MIS18A: variants seen among roughly 807,000 people sequenced by gnomAD.
MIS18A encodes protein Mis18-alpha.
In MIS18A, 14 loss-of-function variants were observed where a neutral mutation model predicts 25.0. That is an observed-to-expected ratio of 0.56 (90% CI 0.37 to 0.88). MIS18A has a LOEUF of 0.88. MIS18A is among the 40% of genes least tolerant of loss of function. MIS18A has a pLI of 0.00. For synonymous variants in MIS18A, 134 were observed against 118.6 expected, an observed-to-expected ratio of 1.13 and a Z score of -0.84; for missense variants, 292 against 290.8, an observed-to-expected ratio of 1.00 and a Z score of -0.03.
intron 1 of MIS18A, among the ~76,000 whole-genome samples, chr21:32,275,879 C>G (rs1165424054): frequency 6.6e-6 from 1 of 152,118 alleles, no homozygotes; most frequent in African/African-American, 2.4e-5. Context: ...CTTGCCTGGA[C>G]TACTGCCCTG....
the MIS18A span, among the ~76,000 whole-genome samples, chr21:32,245,315 C>T: frequency 1.4e-3 from 206 of 152,260 alleles, 1 homozygote; most frequent in Middle Eastern, 6.8e-3. Flanking sequence ...TGTTCCCTTC[C>T]GCCTACACAG....
At chr21:32,243,488 A>G in the MIS18A span, among the ~76,000 whole-genome samples, 1 of 152,254 alleles carries the variant, frequency 6.6e-6, no homozygotes, top group Non-Finnish European at 1.5e-5. Context: ...GATGTTTATC[A>G]TAGTCATTAG....
At chr21:32,186,432 G>A in the MIS18A span, among the ~76,000 whole-genome samples, 1 of 152,238 alleles carries the variant, frequency 6.6e-6, no homozygotes, top group African/African-American at 2.4e-5. Flanking sequence ...TAGCATGGAT[G>A]CTGTGTCCAA....
chr21:32,205,740 G>A, the MIS18A span, among the ~76,000 whole-genome samples: 195 of 152,260 alleles, frequency 1.3e-3, no homozygotes, highest in African/African-American at 4.4e-3. Context: ...ATTCTGGGCC[G>A]GTTGGCTGCC....
chr21:32,155,979 G>A, the MIS18A span, among the ~76,000 whole-genome samples: 1 of 151,898 alleles, frequency 6.6e-6, no homozygotes, highest in South Asian at 2.1e-4. Flanking sequence ...TTGAACTTAT[G>A]CAGACAACTA....
At chr21:32,227,855 C>G in the MIS18A span, among the ~76,000 whole-genome samples, 1 of 152,046 alleles carries the variant, frequency 6.6e-6, no homozygotes. Flanking sequence ...ACACTGTGAC[C>G]AAATGAGATT....
chr21:32,242,559 T>G, the MIS18A span, among the ~76,000 whole-genome samples: 1 of 152,180 alleles, frequency 6.6e-6, no homozygotes, highest in Non-Finnish European at 1.5e-5. Flanking sequence ...GCTCCCTGTT[T>G]GTAAAATGGT....
the MIS18A span, among the ~76,000 whole-genome samples, chr21:32,228,838 A>G: frequency 6.6e-6 from 1 of 152,214 alleles, no homozygotes; most frequent in Non-Finnish European, 1.5e-5. Flanking sequence ...ATTATAAAAT[A>G]TTGTTGAAAG....
At chr21:32,266,663 A>G (rs1024269804), downstream of MIS18A, among the ~76,000 whole-genome samples, 1 of 151,924 alleles carries the variant, frequency 6.6e-6, no homozygotes, top group Non-Finnish European at 1.5e-5. Context: ...AAGACCACGA[A>G]CCCACCAGAA....
chr21:32,236,067 T>A, the MIS18A span, among the ~76,000 whole-genome samples: 1 of 116,400 alleles, frequency 8.6e-6, no homozygotes, highest in Non-Finnish European at 1.7e-5. Flanking sequence ...GCCAACTGTG[T>A]TTTATTTAAA....
At chr21:32,278,431 A>C (rs1331323167) in intron 1 of MIS18A, 2 of 517,626 alleles carry the variant, frequency 3.9e-6, no homozygotes, top group Non-Finnish European at 6.7e-6. Context: ...AGTAATGCTC[A>C]CGATGATGCT....
At chr21:32,206,820 C>T in the MIS18A span, among the ~76,000 whole-genome samples, 2 of 152,128 alleles carry the variant, frequency 1.3e-5, no homozygotes, top group Non-Finnish European at 2.9e-5. Flanking sequence ...AATGCCCAGC[C>T]ACACTGCGGG....
At chr21:32,265,325 G>A (rs548993804), downstream of MIS18A, among the ~76,000 whole-genome samples, 4 of 152,354 alleles carry the variant, frequency 2.6e-5, no homozygotes, top group Non-Finnish European at 2.9e-5. Context: ...GCAGGGAGGT[G>A]TGGAGGGAGA....
In MIS18A at chr21:32,268,938, T is replaced by TC; in HGVS notation, c.*98_*99insG. The stretch of plus-strand genomic sequence containing the variant: ...TTCGCATGCCTGGCTAATTTTTTTT[T>TC]TCTTTTTTTTTTTGTAGAGACGACG... On this transcript the variant is annotated 3_prime_UTR_variant, in exon 5 of 5. Transcript: ENST00000290130. 2 of 951,476 alleles carry TC rather than the reference T, an allele frequency of 2.1e-6. No homozygotes were observed. The highest frequency in any genetic ancestry group is 1.7e-5 in the African/African-American group (1 of 58,874). The allele number at this position is 951,476 out of a possible 1,614,324, so 58.9% of individuals were successfully genotyped here.
chr21:32,249,796 G>T, the MIS18A span, among the ~76,000 whole-genome samples: 1 of 152,102 alleles, frequency 6.6e-6, no homozygotes, highest in South Asian at 2.1e-4. Context: ...CATGGGGAGG[G>T]CACCGAGTCA....
chr21:32,173,924 C>T, the MIS18A span, among the ~76,000 whole-genome samples: 1 of 145,016 alleles, frequency 6.9e-6, no homozygotes, highest in South Asian at 2.2e-4. Flanking sequence ...ACTGTATGTG[C>T]ATTATATGTC....
chr21:32,207,073 C>T, the MIS18A span, among the ~76,000 whole-genome samples: 1 of 152,170 alleles, frequency 6.6e-6, no homozygotes, highest in Non-Finnish European at 1.5e-5. Flanking sequence ...GTCTAAATTC[C>T]ACGCCTGCGC....
the MIS18A span, among the ~76,000 whole-genome samples, chr21:32,182,704 A>C: frequency 6.6e-6 from 1 of 152,220 alleles, no homozygotes; most frequent in Admixed American, 6.5e-5. Context: ...GGGAATCCAC[A>C]GGCCTGGATT....
the MIS18A span, among the ~76,000 whole-genome samples, chr21:32,156,680 A>G: frequency 6.6e-6 from 1 of 152,076 alleles, no homozygotes; most frequent in South Asian, 2.1e-4. Context: ...TTACCCCCAG[A>G]CCATTTTACC....
Sources: allele counts gnomAD v4.1 joint callset (sites outside exome capture counted in the v4.1 genomes callset), GRCh38; gene constraint gnomAD v4.1.1; transcripts MANE v1.5; gene names NCBI Gene and HGNC (gene_info 2026-07-23, HGNC 2026-07-21).